PCLO: variants seen among roughly 807,000 people sequenced by gnomAD.
PCLO encodes the protein piccolo presynaptic cytomatrix protein.
PCLO carries 82 observed loss-of-function variants against 427.5 expected under a neutral mutation model. The observed-to-expected ratio is 0.19, with a 90% confidence interval of 0.16 to 0.23. The LOEUF (loss-of-function observed/expected upper bound fraction) is 0.23. Among genes scored for constraint, PCLO ranks in the 10% least tolerant of loss-of-function variants. The pLI is 1.00. For missense variants in PCLO, 6,239 were observed against 6,115.9 expected (o/e 1.02, Z -0.67); for synonymous variants, 2,357 against 2,155.4 (o/e 1.09, Z -2.59).
chr7:83,105,204 CTT>C (rs1049417074), intron 3 of PCLO, among the ~76,000 whole-genome samples: 1 of 152,134 alleles, frequency 6.6e-6, no homozygotes, highest in African/African-American at 2.4e-5. Context: ...CAATACATCA[CTT>C]AACAAAAATT....
At chr7:82,832,277 T>A (rs1459770529) in intron 16 of PCLO, among the ~76,000 whole-genome samples, 1 of 152,120 alleles carries the variant, frequency 6.6e-6, no homozygotes, top group Non-Finnish European at 1.5e-5. Context: ...TTTTTTGAGA[T>A]GGAGTCTTGC....
At chr7:83,071,194 T>G (rs533082400) in intron 3 of PCLO, among the ~76,000 whole-genome samples, 4 of 152,234 alleles carry the variant, frequency 2.6e-5, no homozygotes, top group East Asian at 3.9e-4. Flanking sequence ...TTTGTGACCT[T>G]TAGGCAGTAA....
intron 3 of PCLO, among the ~76,000 whole-genome samples, chr7:83,024,150 G>C (rs1438047941): frequency 6.6e-6 from 1 of 152,220 alleles, no homozygotes; most frequent in Middle Eastern, 3.2e-3. Flanking sequence ...CCCAGCGTGA[G>C]CGACGCAGAA....
intron 13 of PCLO, among the ~76,000 whole-genome samples, chr7:82,843,953 A>C (rs1792434687): frequency 6.6e-6 from 1 of 152,090 alleles, no homozygotes; most frequent in African/African-American, 2.4e-5. Context: ...GGCATGAGCC[A>C]CCATGCCAGG....
chr7:82,919,483 A>T (rs1433990764), intron 6 of PCLO, among the ~76,000 whole-genome samples: 1 of 152,000 alleles, frequency 6.6e-6, no homozygotes, highest in Non-Finnish European at 1.5e-5. Context: ...TCCATATTTT[A>T]AAATTTTGGT....
chr7:82,993,568 C>T (rs1562904895), intron 3 of PCLO, among the ~76,000 whole-genome samples: 1 of 150,824 alleles, frequency 6.6e-6, no homozygotes, highest in African/African-American at 2.4e-5. Context: ...GCAAATGAGA[C>T]TTTTTTTTTA....
intron 9 of PCLO, chr7:82,880,457 TG>T: frequency 2.6e-6 from 1 of 383,292 alleles, no homozygotes; most frequent in Non-Finnish European, 5.4e-6. Context: ...TTGTCCAAGC[TG>T]GTCTCAAACT....
At chr7:82,827,114 A>C (rs1418432074) in intron 17 of PCLO, among the ~76,000 whole-genome samples, 1 of 152,090 alleles carries the variant, frequency 6.6e-6, no homozygotes, top group Non-Finnish European at 1.5e-5. Context: ...AACCCAGATT[A>C]TAATTTATAT....
intron 16 of PCLO, among the ~76,000 whole-genome samples, chr7:82,831,613 T>C (rs914057870): frequency 6.6e-6 from 1 of 152,118 alleles, no homozygotes; most frequent in African/African-American, 2.4e-5. Context: ...GCCAGATACA[T>C]TTAGAAATAA....
At chr7:82,779,787 G>GT (rs1428457139) in intron 22 of PCLO, among the ~76,000 whole-genome samples, 1 of 143,452 alleles carries the variant, frequency 7.0e-6, no homozygotes, top group African/African-American at 2.6e-5. Flanking sequence ...TGTTGCCCAG[G>GT]TGGAGTGCAA....
intron 10 of PCLO, among the ~76,000 whole-genome samples, chr7:82,871,265 A>G (rs950891348): frequency 8.6e-5 from 13 of 152,040 alleles, no homozygotes; most frequent in Admixed American, 2.0e-4. Context: ...ATAGAATATT[A>G]TTCATTCATT....
At chr7:82,988,730 C>A (rs1356806030) in intron 3 of PCLO, among the ~76,000 whole-genome samples, 6 of 152,084 alleles carry the variant, frequency 3.9e-5, no homozygotes, top group Admixed American at 3.3e-4. Context: ...CTAGGGCCAT[C>A]ACAAATCTAT....
intron 7 of PCLO, among the ~76,000 whole-genome samples, chr7:82,913,995 T>C (rs1463620337): frequency 6.6e-6 from 1 of 152,096 alleles, no homozygotes; most frequent in East Asian, 1.9e-4. Flanking sequence ...TTCATACTAG[T>C]ACAATTCTTT....
At chr7:83,045,702 T>C (rs1789087566) in intron 3 of PCLO, among the ~76,000 whole-genome samples, 1 of 152,142 alleles carries the variant, frequency 6.6e-6, no homozygotes, top group South Asian at 2.1e-4. Flanking sequence ...GGCAAATGAA[T>C]TTCCTAGAAA....
At chr7:83,075,955 C>T (rs1380482114) in intron 3 of PCLO, among the ~76,000 whole-genome samples, 2 of 151,768 alleles carry the variant, frequency 1.3e-5, no homozygotes, top group African/African-American at 4.8e-5. Flanking sequence ...CACAGGAAAA[C>T]TTTTTTTCAC....
At chr7:83,032,597 C>T (rs1484267319) in intron 3 of PCLO, among the ~76,000 whole-genome samples, 1 of 151,930 alleles carries the variant, frequency 6.6e-6, no homozygotes, top group Admixed American at 6.6e-5. Context: ...CTTCTGAATG[C>T]CAGATAGAAT....
At chr7:83,056,539 A>T (rs1054641513) in intron 3 of PCLO, among the ~76,000 whole-genome samples, 4 of 152,230 alleles carry the variant, frequency 2.6e-5, no homozygotes, top group Admixed American at 1.3e-4. Flanking sequence ...ATGAGTGGTC[A>T]GAACCGTCAC....
intron 22 of PCLO, among the ~76,000 whole-genome samples, chr7:82,777,511 G>A (rs1790780041): frequency 6.6e-6 from 1 of 152,044 alleles, no homozygotes; most frequent in Non-Finnish European, 1.5e-5. Context: ...CTATACTGTG[G>A]GGCTATAGTA....
chr7:82,814,570 T>G (rs2115591540), intron 20 of PCLO, among the ~76,000 whole-genome samples: 1 of 151,720 alleles, frequency 6.6e-6, no homozygotes, highest in African/African-American at 2.4e-5. Flanking sequence ...AGTCTTATCT[T>G]AGAACTTATT....
Sources: gnomAD v4.1 joint callset for allele counts (sites outside exome capture counted in the v4.1 genomes callset) on GRCh38, gnomAD v4.1.1 for gene constraint, MANE v1.5 for transcripts, NCBI Gene and HGNC (gene_info 2026-07-23, HGNC 2026-07-21) for gene names.